The following COMMD7 variants were observed in gnomAD, a reference collection of about 807,000 sequenced individuals.
The protein encoded by COMMD7 is COMM domain-containing protein 7.
A neutral mutation model predicts 34.8 loss-of-function variants in COMMD7; 28 were observed. That is an observed-to-expected ratio of 0.80 (90% CI 0.60 to 1.10). The LOEUF is 1.10. COMMD7 is among the 50% of genes least tolerant of loss of function. The pLI is 0.00. For synonymous variants in COMMD7, 80 were observed against 86.4 expected, an observed-to-expected ratio of 0.93 and a Z score of 0.41; for missense variants, 211 against 241.6, an observed-to-expected ratio of 0.87 and a Z score of 0.84.
At position 32,702,909 on chromosome 20, in the gene COMMD7, C is replaced by G. The variant is rs545743161; in HGVS notation, c.*473G>C. The G allele has an allele frequency of 6.5e-6, 1 of 154,482 alleles. No individual in the cohort carries two copies. Among genetic ancestry groups the G allele is most frequent in the Admixed American group, 6.4e-5 (1 of 15,700 alleles). The allele number at this position is 154,482 out of a possible 1,614,324, so 9.6% of individuals were successfully genotyped here. A position where few individuals can be genotyped will look rare whatever the true frequency, so the allele number is the denominator to read the frequency against. The stretch of plus-strand genomic sequence containing the variant: ...TTAAGAACTGATTGGCAATGTTCCA[C>G]CAGCACAGACCCAGAGTGTGCAGAA... On this transcript the variant is annotated 3_prime_UTR_variant, in exon 9 of 9. Coordinates refer to ENST00000278980, the MANE Select transcript of COMMD7 (RefSeq NM_053041.3).
At chr20:32,723,942 T>A in intron 3 of COMMD7, among the ~76,000 whole-genome samples, 1 of 1,610 alleles carries the variant, frequency 6.2e-4, no homozygotes, top group Admixed American at 3.0e-3. Context: ...GCCCGGCAGC[T>A]GCCCCGTCTG....
intron 3 of COMMD7, among the ~76,000 whole-genome samples, chr20:32,719,910 C>T (rs919660178): frequency 3.9e-5 from 6 of 152,070 alleles, no homozygotes; most frequent in African/African-American, 9.7e-5. Context: ...GCCTGGGCAA[C>T]ATAGCAAGAC....
chr20:32,731,763 C>T (rs1433857590), intron 1 of COMMD7, among the ~76,000 whole-genome samples: 5 of 152,178 alleles, frequency 3.3e-5, no homozygotes, highest in African/African-American at 4.8e-5. Flanking sequence ...AAACACTCCC[C>T]GCAATGCTTT....
Position 32,728,108 on chromosome 20 carries a change from A to G in COMMD7, c.119T>C (p.Phe40Ser), listed in dbSNP as rs752437153. 1.9e-6 allele frequency: 3 copies of G among 1,614,128 alleles called. No homozygotes were observed. In the East Asian group the frequency reaches 6.7e-5, roughly 36 times the overall value. The stretch of plus-strand genomic sequence containing the variant: ...ATTTACCTCTTTTGGCTCAGTTAGG[A>G]AGTGGAAAAGCACCTCTGTCAGGGC... ...FSALTEVLFH[F>S]LTEPKEVERF... The change falls in exon 2 of 9, where the codon TTC becomes TCC. Residue 40 changes from phenylalanine to serine, a missense_variant. Phe to Ser is a radical substitution (Grantham distance 155, BLOSUM62 -2). Transcript: ENST00000278980.
chr20:32,726,413 A>C (rs1446230363), intron 3 of COMMD7, among the ~76,000 whole-genome samples: 1 of 151,936 alleles, frequency 6.6e-6, no homozygotes, highest in African/African-American at 2.4e-5. Flanking sequence ...CAAACAAAAG[A>C]CTTCAAGCCC....
At chr20:32,725,888 A>AAAT (rs997843684) in intron 3 of COMMD7, among the ~76,000 whole-genome samples, 20 of 150,536 alleles carry the variant, frequency 1.3e-4, no homozygotes, top group Admixed American at 4.7e-4. Flanking sequence ...CCATCTCTAC[A>AAAT]AATAATAATA....
At chr20:32,741,687 A>AT (rs1385099879) in intron 1 of COMMD7, among the ~76,000 whole-genome samples, 2 of 151,956 alleles carry the variant, frequency 1.3e-5, no homozygotes, top group East Asian at 3.9e-4. Flanking sequence ...TGCCCGGCCT[A>AT]TTTTTTATCT....
At position 32,724,951 on chromosome 20, in the gene COMMD7, TAAAA is replaced by T. The variant is rs1175774267; in HGVS notation, c.241+2938_241+2941del. Among the ~76,000 whole-genome samples, 3 of 13,872 alleles carry T rather than the reference TAAAA, an allele frequency of 2.2e-4. 1 individual carries two copies. Among genetic ancestry groups the T allele is most frequent in the Non-Finnish European group, 6.6e-4 (3 of 4,580 alleles). 9.1% of individuals were successfully genotyped at this position (13,872 alleles called of 152,430 possible). On this transcript the variant is annotated intron_variant, in intron 3 of 8. Coordinates refer to ENST00000278980, the MANE Select transcript of COMMD7 (RefSeq NM_053041.3). ...AGAATTATCAATAAAAAAATAAATTTAAAAAAAAAAAAAAAAAAAAAAAGACTTG... is the reference window on the plus strand; with the variant it reads ...AGAATTATCAATAAAAAAATAAATTTAAAAAAAAAAAAAAAAAAAGACTTG...
In COMMD7 at chr20:32,706,856, A is replaced by T. The variant is rs1984113946; in HGVS notation, c.242-96T>A. On this transcript the variant is annotated intron_variant, in intron 3 of 8. Coordinates refer to ENST00000278980, the MANE Select transcript of COMMD7 (RefSeq NM_053041.3). ...CACAACCTATGTGACCTAAAGGACA[A>T]AAGGAACACCCAAAGACTGGCCAGC... 32 of 910,300 alleles carry T rather than the reference A, an allele frequency of 3.5e-5. No individual in the cohort carries two copies. In the South Asian group the frequency reaches 4.4e-4, roughly 13 times the overall value. 56.4% of individuals were successfully genotyped at this position (910,300 alleles called of 1,614,324 possible). A position where few individuals can be genotyped will look rare whatever the true frequency, so the allele number is the denominator to read the frequency against.
chr20:32,703,403 G>A lies in COMMD7; in HGVS notation c.582C>T (p.Thr194=). ...GAAATCAGCAGAAACACTCCATGCT[G>A]GTTCTGACTCGCTCCATCTCGTGCA... ...SFLHEMERVR[T]SMECFC The change falls in exon 9 of 9, where the codon ACC becomes ACT. Residue 194 remains threonine, a synonymous_variant. Transcript: ENST00000278980. 1 of 1,614,002 alleles carries A rather than the reference G, an allele frequency of 6.2e-7. No homozygotes were observed. Among genetic ancestry groups the A allele is most frequent in the Non-Finnish European group, 8.5e-7 (1 of 1,180,010 alleles).
chr20:32,724,074 G>A (rs1214679385), intron 3 of COMMD7, among the ~76,000 whole-genome samples: 2 of 16,676 alleles, frequency 1.2e-4, no homozygotes, highest in South Asian at 6.3e-3. Context: ...CCGGCCAGCC[G>A]CCCCATCCGG....
chr20:32,722,173 C>T (rs558597373), intron 3 of COMMD7, among the ~76,000 whole-genome samples: 292 of 141,934 alleles, frequency 2.1e-3, no homozygotes, highest in African/African-American at 7.3e-3. Context: ...TGAACCTTGT[C>T]GACGGAATTT....
At chr20:32,729,067 T>C (rs1324609083) in intron 1 of COMMD7, among the ~76,000 whole-genome samples, 1 of 152,126 alleles carries the variant, frequency 6.6e-6, no homozygotes. Context: ...CTAACTTCCA[T>C]TGTGACAATA....
intron 1 of COMMD7, among the ~76,000 whole-genome samples, chr20:32,733,590 C>G (rs550449573): frequency 2.2e-4 from 34 of 151,952 alleles, no homozygotes; most frequent in Admixed American, 2.0e-3. Flanking sequence ...TGTGGTGGCA[C>G]GTGCCTATAA....
intron 1 of COMMD7, among the ~76,000 whole-genome samples, chr20:32,737,799 C>G (rs901410819): frequency 6.6e-6 from 1 of 150,570 alleles, no homozygotes; most frequent in Non-Finnish European, 1.5e-5. Context: ...TATTGTAACA[C>G]TGCTCTCCAG....
chr20:32,712,622 A>AAAAAG, intron 3 of COMMD7, among the ~76,000 whole-genome samples: 1 of 151,552 alleles, frequency 6.6e-6, no homozygotes, highest in African/African-American at 2.4e-5. Context: ...TAAAAAAAAA[A>AAAAAG]AAAAGAAAAT....
At chr20:32,706,841 G>T in intron 3 of COMMD7, 81 bp from the exon 4 acceptor site, 1 of 1,152,046 alleles carries the variant, frequency 8.7e-7, no homozygotes, top group Non-Finnish European at 1.3e-6. Context: ...CACAACCTAT[G>T]TGACCTAAAG....
At chr20:32,712,136 G>C (rs1214596857) in intron 3 of COMMD7, among the ~76,000 whole-genome samples, 1 of 151,938 alleles carries the variant, frequency 6.6e-6, no homozygotes, top group Non-Finnish European at 1.5e-5. Flanking sequence ...CGGGCGTGGT[G>C]GCAGGCGCCT....
In COMMD7 at chr20:32,740,707, G is replaced by A. The variant is rs568596855; in HGVS notation, c.84+2601C>T. Among the ~76,000 whole-genome samples, 40 of 151,666 alleles carry A rather than the reference G, an allele frequency of 2.6e-4. 1 individual carries two copies. Among genetic ancestry groups the A allele is most frequent in the Admixed American group, 1.6e-3 (25 of 15,180 alleles). The stretch of plus-strand genomic sequence containing the variant: ...ACAAAAATTAGCCAGGTATGGTGGC[G>A]CGTGCCTATAGTCCCAGCTATTTGG... On this transcript the variant is annotated intron_variant, in intron 1 of 8. Transcript: ENST00000278980.
Sources: allele counts gnomAD v4.1 joint callset (sites outside exome capture counted in the v4.1 genomes callset), GRCh38; gene constraint gnomAD v4.1.1; transcripts MANE v1.5; gene names NCBI Gene and HGNC (gene_info 2026-07-23, HGNC 2026-07-21).